TTI2: variants seen among roughly 807,000 people sequenced by gnomAD.
TTI2 encodes the protein TELO2-interacting protein 2.
A neutral mutation model predicts 44.9 loss-of-function variants in TTI2; 26 were observed. That is an observed-to-expected ratio of 0.58 (90% confidence interval 0.42 to 0.80). The LOEUF (loss-of-function observed/expected upper bound fraction) is 0.80, where lower values mean the gene tolerates loss of function less well. TTI2 is among the 30% of genes least tolerant of loss of function. The pLI, the probability that TTI2 is intolerant of heterozygous loss-of-function variation, is 0.00. For synonymous variants in TTI2, 254 were observed against 250.9 expected (o/e 1.01, Z -0.12); for missense variants, 582 against 611.6 (o/e 0.95, Z 0.51).
At chr8:33,507,466 G>A in intron 3 of TTI2, 145 bp from the exon 4 acceptor site, 1 of 740,710 alleles carries the variant, frequency 1.4e-6, no homozygotes, top group South Asian at 1.5e-5. Flanking sequence ...TGAAAATATT[G>A]CAGAAACTGT....
chr8:33,504,308 T>TTTTTTTG, intron 4 of TTI2, among the ~76,000 whole-genome samples: 1 of 140,126 alleles, frequency 7.1e-6, no homozygotes, highest in Admixed American at 7.2e-5. Context: ...TTTTTTTTTT[T>TTTTTTTG]TTTTTTGTGA....
chr8:33,511,536 C>T (rs1337843684), intron 2 of TTI2, among the ~76,000 whole-genome samples: 2 of 152,124 alleles, frequency 1.3e-5, no homozygotes, highest in Non-Finnish European at 2.9e-5. Flanking sequence ...TCCGTGGTTA[C>T]AGCACCCTTA....
intron 4 of TTI2, 111 bp from the exon 5 acceptor site, chr8:33,504,046 G>T (rs1809206951): frequency 9.0e-7 from 1 of 1,109,282 alleles, no homozygotes; most frequent in Non-Finnish European, 1.3e-6. Context: ...CCATACCAGA[G>T]AATTCTAAGA....
Position 33,512,645 on chromosome 8 carries a change from C to T in TTI2, c.-32G>A. The T allele has an allele frequency of 6.2e-7, 1 of 1,608,704 alleles. No homozygotes were observed. The highest frequency in any genetic ancestry group is 8.5e-7 in the Non-Finnish European group (1 of 1,179,716). ...CTGCAGCACCAGAAGGCTGGTCTCT[C>T]CCACAGAACGAGGATGGAGGCGGGG... On this transcript the variant is annotated 5_prime_UTR_variant, in exon 2 of 8. Transcript: ENST00000431156.
chr8:33,511,617 G>A (rs1809530474), intron 2 of TTI2, among the ~76,000 whole-genome samples: 1 of 152,146 alleles, frequency 6.6e-6, no homozygotes, highest in Admixed American at 6.5e-5. Flanking sequence ...GGCAGGCGCA[G>A]TGGCTCACGC....
Position 33,507,216 on chromosome 8 carries a change from A to C in TTI2, c.927+13T>G. The C allele has an allele frequency of 6.2e-7, 1 of 1,611,136 alleles. No homozygotes were observed. Among genetic ancestry groups the C allele is most frequent in the African/African-American group, 1.3e-5 (1 of 74,992 alleles). On this transcript the variant is annotated intron_variant, in intron 4 of 7. Transcript: ENST00000431156. ...AGAATCCAGACCCAGTTATGAAGAA[A>C]TCATACTATTACCTGAATGAGGTGG...
At chr8:33,506,854 G>A (rs181149105) in intron 4 of TTI2, among the ~76,000 whole-genome samples, 16 of 151,864 alleles carry the variant, frequency 1.1e-4, no homozygotes, top group African/African-American at 2.7e-4. Flanking sequence ...CATCATGCCC[G>A]GCTAATTTTT....
In TTI2 at chr8:33,505,495, T is replaced by C. The variant is rs1348420769; in HGVS notation, c.928-1560A>G. Among the ~76,000 whole-genome samples the C allele has an allele frequency of 6.0e-5, 9 of 149,616 alleles. 1 individual carries two copies. The South Asian group carries it at 6.4e-4, about 11-fold the overall frequency. On this transcript the variant is annotated intron_variant, in intron 4 of 7. Transcript: ENST00000431156. ...TGAAAGCCACTGCACCTTTTTTTTT[T>C]CTTTTTTTTTTGAGATGTAGTTTCA...
intron 7 of TTI2, 37 bp downstream of exon 7, chr8:33,500,291 T>C (rs750505271): frequency 2.5e-6 from 4 of 1,612,840 alleles, no homozygotes; most frequent in East Asian, 4.5e-5. Flanking sequence ...ATAAGGATAA[T>C]GAGGCCCAAC....
rs1032384112 is a variant in TTI2, at chr8:33,498,789, A to G, written c.*384T>C. ...TTATGCCACGTCAGTGGGGCAAGAAATCTGGAGTGAGTGAAGAAAGCTAAG... is the reference window on the plus strand; with the variant it reads ...TTATGCCACGTCAGTGGGGCAAGAAGTCTGGAGTGAGTGAAGAAAGCTAAG... On this transcript the variant is annotated 3_prime_UTR_variant, in exon 8 of 8. Coordinates refer to ENST00000431156, the MANE Select transcript of TTI2 (RefSeq NM_001102401.4). The G allele has an allele frequency of 1.3e-5, 9 of 669,270 alleles. No individual in the cohort carries two copies. The highest frequency in any genetic ancestry group is 5.5e-5 in the African/African-American group (3 of 54,850). 41.5% of individuals were successfully genotyped at this position (669,270 alleles called of 1,614,324 possible).
chr8:33,510,414 T>C (rs573133580), intron 2 of TTI2, among the ~76,000 whole-genome samples: 1 of 152,370 alleles, frequency 6.6e-6, no homozygotes, highest in Non-Finnish European at 1.5e-5. Flanking sequence ...TCTCACTCTA[T>C]TGCCCAGGCT....
At chr8:33,506,095 C>G (rs562265626) in intron 4 of TTI2, among the ~76,000 whole-genome samples, 78 of 152,146 alleles carry the variant, frequency 5.1e-4, no homozygotes, top group African/African-American at 1.8e-3. Context: ...ACCCACTGCG[C>G]TTTATAGAAA....
At chr8:33,505,961 T>G (rs1809278549) in intron 4 of TTI2, among the ~76,000 whole-genome samples, 1 of 152,172 alleles carries the variant, frequency 6.6e-6, no homozygotes, top group Non-Finnish European at 1.5e-5. Context: ...CAATTTTGCA[T>G]TTTTAGTAGA....
Position 33,500,458 on chromosome 8 carries a change from G to T in TTI2, c.1292C>A (p.Ala431Asp). Residue 431 changes from alanine (A) to aspartate (D), a missense_variant, in exon 7 of 8, where the codon GCC (alanine) becomes GAC (aspartate). Coordinates refer to ENST00000431156, the MANE Select transcript of TTI2 (RefSeq NM_001102401.4). ...VSCRLVVLLK[A>D]LLKLICDVAR... is the part of the protein sequence containing the mutation. Reference sequence around the variant, plus strand: ...TACATCACAAATCAGTTTCAAGAGGGCCTTCAGTAAGACCACAAGTCTGCA... The same window carrying T: ...TACATCACAAATCAGTTTCAAGAGGTCCTTCAGTAAGACCACAAGTCTGCA... 6.2e-7 allele frequency: 1 copy of T among 1,614,108 alleles called. No homozygotes were observed. The highest frequency in any genetic ancestry group is 8.5e-7 in the Non-Finnish European group (1 of 1,180,024).
intron 2 of TTI2, 47 bp from the exon 3 acceptor site, chr8:33,509,979 CAAAAA>C (rs10588315): frequency 2.1e-3 from 887 of 416,590 alleles, no homozygotes; most frequent in Non-Finnish European, 2.5e-3. Context: ...TGATAAGTAG[CAAAAA>C]AAAAAAAAAA....
At chr8:33,503,694 A>G (rs1809186143) in intron 5 of TTI2, 54 bp downstream of exon 5, 1 of 1,610,680 alleles carries the variant, frequency 6.2e-7, no homozygotes, top group Admixed American at 1.7e-5. Flanking sequence ...CTCAAGCAAC[A>G]TAGCAAGATC....
intron 1 of TTI2, 44 bp from the exon 2 acceptor site, chr8:33,512,756 G>A (rs1809604753): frequency 2.1e-6 from 2 of 942,736 alleles, no homozygotes; most frequent in South Asian, 3.4e-5. Flanking sequence ...TTGGAGGAGG[G>A]GGCGAGTCTG....
chr8:33,509,609 A>G, intron 3 of TTI2, 137 bp downstream of exon 3: 2 of 805,908 alleles, frequency 2.5e-6, no homozygotes, highest in South Asian at 1.5e-5. Context: ...AACTTCTACC[A>G]GGTGGATAGA....
chr8:33,499,202 A>T lies in TTI2; in HGVS notation c.1498T>A (p.Ser500Thr), dbSNP rs1808967335. Reference protein sequence around the residue: ...VNYIRKVQQVSEGAPYNGT With the variant: ...VNYIRKVQQVTEGAPYNGT ...GTTCCATTGTAGGGTGCGCCTTCAG[A>T]AACCTGCTGCACTTTTCTGATATAG... Residue 500 changes from serine (S) to threonine (T), a missense_variant, in exon 8 of 8, where the codon TCT (serine) becomes ACT (threonine). By Grantham distance (58) the Ser-to-Thr change is moderately conservative. Transcript: ENST00000431156. 1.9e-6 allele frequency: 3 copies of T among 1,614,166 alleles called. No homozygotes were observed. The Admixed American group carries it at 5.0e-5, about 27-fold the overall frequency.
Sources: allele counts gnomAD v4.1 joint callset (sites outside exome capture counted in the v4.1 genomes callset), GRCh38; gene constraint gnomAD v4.1.1; transcripts MANE v1.5; gene names NCBI Gene and HGNC (gene_info 2026-07-23, HGNC 2026-07-21).